The following UNC5D variants were observed in gnomAD, a reference collection of about 807,000 sequenced individuals.
UNC5D encodes the protein netrin receptor UNC5D.
A neutral mutation model predicts 105.4 loss-of-function variants in UNC5D; 39 were observed. The observed-to-expected ratio is 0.37, with a 90% CI of 0.29 to 0.48. The LOEUF (loss-of-function observed/expected upper bound fraction) is 0.48. Among genes scored for constraint, UNC5D ranks in the 20% least tolerant of loss-of-function variants. UNC5D has a pLI of 0.98. For synonymous variants in UNC5D, 452 were observed against 450.4 expected, an observed-to-expected ratio of 1.00 and a Z score of -0.04; for missense variants, 991 against 1,202.4, an observed-to-expected ratio of 0.82 and a Z score of 2.60.
chr8:35,433,104 A>T, intron 1 of UNC5D, among the ~76,000 whole-genome samples: 1 of 152,174 alleles, frequency 6.6e-6, no homozygotes. Flanking sequence ...TGTGAAAGCT[A>T]ACACATTTAT....
intron 2 of UNC5D, among the ~76,000 whole-genome samples, chr8:35,552,269 A>G (rs555773596): frequency 4.0e-4 from 61 of 152,322 alleles, no homozygotes; most frequent in South Asian, 3.1e-3. Context: ...TAAGAGATAC[A>G]ATGAGTTTGT....
intron 1 of UNC5D, among the ~76,000 whole-genome samples, chr8:35,410,931 C>T (rs1041054222): frequency 6.6e-6 from 1 of 152,010 alleles, no homozygotes; most frequent in Non-Finnish European, 1.5e-5. Context: ...GAGAAATGTG[C>T]CTGGACTTTT....
At chr8:35,430,783 G>A (rs1806578084) in intron 1 of UNC5D, among the ~76,000 whole-genome samples, 1 of 152,172 alleles carries the variant, frequency 6.6e-6, no homozygotes, top group South Asian at 2.1e-4. Flanking sequence ...ACTGAGAACA[G>A]ATAACCCCTA....
Position 35,512,338 on chromosome 8 carries a change from A to G in UNC5D, c.104-36954A>G, listed in dbSNP as rs146582976. Among the ~76,000 whole-genome samples, 444 of 150,942 alleles carry G rather than the reference A, an allele frequency of 2.9e-3. 2 individuals are homozygous for G. The highest frequency in any genetic ancestry group is 4.8e-3 in the South Asian group (23 of 4,744). ...AGAGTTCAAGACAAGCCTGAGCAAC[A>G]TGGTGAGACCCTGTCTCTACAAGAC... On this transcript the variant is annotated intron_variant, in intron 1 of 16. Transcript: ENST00000404895.
At chr8:35,652,366 C>T (rs779772123) in intron 4 of UNC5D, among the ~76,000 whole-genome samples, 1 of 152,042 alleles carries the variant, frequency 6.6e-6, no homozygotes, top group Non-Finnish European at 1.5e-5. Flanking sequence ...CTTGATTTTG[C>T]AAACTGAGAC....
intron 1 of UNC5D, among the ~76,000 whole-genome samples, chr8:35,442,328 C>G (rs1218281843): frequency 6.6e-6 from 1 of 151,724 alleles, no homozygotes; most frequent in African/African-American, 2.4e-5. Context: ...AGTTATACAC[C>G]ACACTAGGTA....
At chr8:35,422,817 G>A (rs992614545) in intron 1 of UNC5D, among the ~76,000 whole-genome samples, 3 of 152,156 alleles carry the variant, frequency 2.0e-5, no homozygotes, top group African/African-American at 7.2e-5. Flanking sequence ...TTTGGAAAAA[G>A]GGGATGGAAA....
At chr8:35,353,965 T>A (rs1040624891) in intron 1 of UNC5D, among the ~76,000 whole-genome samples, 1 of 152,122 alleles carries the variant, frequency 6.6e-6, no homozygotes, top group Non-Finnish European at 1.5e-5. Flanking sequence ...CACTGCATAC[T>A]CTTTACAAAG....
chr8:35,423,439 C>T (rs1806040808), intron 1 of UNC5D, among the ~76,000 whole-genome samples: 3 of 152,192 alleles, frequency 2.0e-5, no homozygotes, highest in Admixed American at 2.0e-4. Flanking sequence ...TTGTCTTTTA[C>T]ACACATAAGC....
intron 1 of UNC5D, among the ~76,000 whole-genome samples, chr8:35,303,760 G>A (rs1186733018): frequency 1.3e-5 from 2 of 152,246 alleles, no homozygotes; most frequent in Middle Eastern, 3.4e-3. Flanking sequence ...TCTGAGAGCA[G>A]CAAGCACACT....
At chr8:35,431,485 A>T (rs1262781591) in intron 1 of UNC5D, among the ~76,000 whole-genome samples, 1 of 152,128 alleles carries the variant, frequency 6.6e-6, no homozygotes, top group East Asian at 1.9e-4. Flanking sequence ...AGGCTCCTTA[A>T]GTAAACAAAA....
chr8:35,436,129 A>G (rs1806997156), intron 1 of UNC5D, among the ~76,000 whole-genome samples: 1 of 152,076 alleles, frequency 6.6e-6, no homozygotes, highest in Non-Finnish European at 1.5e-5. Context: ...ATTAAGTTAT[A>G]ACTGATTGTA....
At position 35,530,929 on chromosome 8, in the gene UNC5D, TTC is replaced by T. The variant is rs1814317699; in HGVS notation, c.104-18357_104-18356del. On this transcript the variant is annotated intron_variant, in intron 1 of 16. Transcript: ENST00000404895. The stretch of plus-strand genomic sequence containing the variant: ...ATTTTTTATTGTGTCTATTTGATTC[TTC>T]TCTCTTTTTTTCTTTATTAGTCTTG... Among the ~76,000 whole-genome samples, 4 of 145,150 alleles carry T rather than the reference TTC, an allele frequency of 2.8e-5. No individual in the cohort carries two copies. In the South Asian group the frequency reaches 8.9e-4, roughly 32 times the overall value.
chr8:35,784,824 C>A (rs1047196868), intron 16 of UNC5D, among the ~76,000 whole-genome samples: 13 of 151,866 alleles, frequency 8.6e-5, no homozygotes, highest in African/African-American at 2.9e-4. Flanking sequence ...AATGACACTG[C>A]AAAAAATAAA....
At chr8:35,778,070 C>T (rs978884412) in intron 16 of UNC5D, among the ~76,000 whole-genome samples, 1 of 152,124 alleles carries the variant, frequency 6.6e-6, no homozygotes, top group Admixed American at 6.5e-5. Context: ...CTGCCATTTC[C>T]AAAATATCAG....
intron 1 of UNC5D, among the ~76,000 whole-genome samples, chr8:35,475,630 C>G (rs1294136531): frequency 6.6e-6 from 1 of 152,194 alleles, no homozygotes; most frequent in Middle Eastern, 3.2e-3. Context: ...CATGTCAACA[C>G]CTTTTTCCAG....
intron 4 of UNC5D, among the ~76,000 whole-genome samples, chr8:35,674,574 T>C (rs1366488056): frequency 6.6e-6 from 1 of 152,212 alleles, no homozygotes; most frequent in African/African-American, 2.4e-5. Context: ...ATGGTAAGTG[T>C]TCATGAAATG....
intron 1 of UNC5D, among the ~76,000 whole-genome samples, chr8:35,458,177 G>T (rs1352897821): frequency 1.3e-5 from 2 of 152,134 alleles, no homozygotes; most frequent in African/African-American, 2.4e-5. Context: ...CTTAGAGGTT[G>T]CCCAGGGCAA....
chr8:35,710,853 A>G (rs1827891601), intron 8 of UNC5D, among the ~76,000 whole-genome samples: 1 of 152,082 alleles, frequency 6.6e-6, no homozygotes, highest in African/African-American at 2.4e-5. Context: ...CTTGCCCTGC[A>G]TCAGTTTATC....
Sources: gnomAD v4.1 joint callset for allele counts (sites outside exome capture counted in the v4.1 genomes callset) on GRCh38, gnomAD v4.1.1 for gene constraint, MANE v1.5 for transcripts, NCBI Gene and HGNC (gene_info 2026-07-23, HGNC 2026-07-21) for gene names.